The following UNC13C variants were observed in gnomAD, a reference collection of about 807,000 sequenced individuals.
UNC13C encodes protein unc-13 homolog C.
Under a neutral mutation model 245.4 loss-of-function variants are expected in UNC13C, and 174 were observed. The ratio of observed to expected loss-of-function variants is 0.71; its 90% CI spans 0.63 to 0.80. The LOEUF (loss-of-function observed/expected upper bound fraction) is 0.80, where lower values mean the gene tolerates loss of function less well. Among genes scored for constraint, UNC13C ranks in the 30% least tolerant of loss-of-function variants. The pLI is 0.00. For synonymous variants in UNC13C, 992 were observed against 895.1 expected (o/e 1.11, Z -1.93); for missense variants, 2,829 against 2,602.9 (o/e 1.09, Z -1.89).
At chr15:54,118,684 T>C (rs570352484) in intron 2 of UNC13C, among the ~76,000 whole-genome samples, 1 of 152,288 alleles carries the variant, frequency 6.6e-6, no homozygotes, top group Non-Finnish European at 1.5e-5. Flanking sequence ...TTATATTGGA[T>C]AAAAGTGGTA....
chr15:53,879,095 CT>C, the UNC13C span, among the ~76,000 whole-genome samples: 2 of 152,026 alleles, frequency 1.3e-5, no homozygotes, highest in African/African-American at 2.4e-5. Context: ...AAAAAAATTA[CT>C]TTTTTTAGCA....
At chr15:54,128,365 A>G (rs2031193039) in intron 2 of UNC13C, among the ~76,000 whole-genome samples, 1 of 152,196 alleles carries the variant, frequency 6.6e-6, no homozygotes, top group Non-Finnish European at 1.5e-5. Context: ...ACAACTTTCT[A>G]CTTCACAAAA....
At chr15:53,847,105 G>T in the UNC13C span, among the ~76,000 whole-genome samples, 1 of 152,134 alleles carries the variant, frequency 6.6e-6, no homozygotes, top group Non-Finnish European at 1.5e-5. Context: ...AATGCTCAAG[G>T]AAGGGGAAAC....
At chr15:53,969,004 TA>T in the UNC13C span, among the ~76,000 whole-genome samples, 11 of 152,198 alleles carry the variant, frequency 7.2e-5, no homozygotes, top group Non-Finnish European at 1.6e-4. Flanking sequence ...TCCAGTGACA[TA>T]ACCTTCCTTA....
the UNC13C span, among the ~76,000 whole-genome samples, chr15:53,971,825 A>G: frequency 2.6e-5 from 4 of 152,150 alleles, no homozygotes; most frequent in East Asian, 7.7e-4. Context: ...CTATTTATAA[A>G]ATGACAATGA....
At chr15:54,123,728 A>G (rs1356169519) in intron 2 of UNC13C, among the ~76,000 whole-genome samples, 1 of 152,120 alleles carries the variant, frequency 6.6e-6, no homozygotes, top group Non-Finnish European at 1.5e-5. Flanking sequence ...ATGTGCAAGT[A>G]TGGTTCTACG....
chr15:54,309,626 T>C (rs2037816322), intron 13 of UNC13C, among the ~76,000 whole-genome samples: 2 of 151,954 alleles, frequency 1.3e-5, no homozygotes, highest in Non-Finnish European at 2.9e-5. Flanking sequence ...CTAGTAGTTT[T>C]ATAGTTTTGG....
the UNC13C span, among the ~76,000 whole-genome samples, chr15:53,905,401 C>CACAT: frequency 8.8e-6 from 1 of 113,618 alleles, no homozygotes; most frequent in Admixed American, 9.9e-5. Context: ...TTACTTTATA[C>CACAT]ACACACACAC....
the UNC13C span, among the ~76,000 whole-genome samples, chr15:53,957,299 G>A: frequency 0.11 from 16,898 of 151,950 alleles, 1,260 homozygotes; most frequent in East Asian, 0.31. Flanking sequence ...GCACCACTAC[G>A]CCTGGCTAAT....
At chr15:54,460,923 A>G (rs759108802) in intron 19 of UNC13C, among the ~76,000 whole-genome samples, 1 of 152,206 alleles carries the variant, frequency 6.6e-6, no homozygotes, top group Non-Finnish European at 1.5e-5. Context: ...ATAGTTATAA[A>G]TTAAAACCTT....
At chr15:53,984,386 T>C (rs2616910) in intron 1 of UNC13C, among the ~76,000 whole-genome samples, 35,967 of 152,116 alleles carry the variant, frequency 0.24, 5,098 homozygotes, top group Non-Finnish European at 0.31. Context: ...CACTGTCTTA[T>C]GAGATTTCTT....
intron 21 of UNC13C, 78 bp downstream of exon 21, chr15:54,500,253 T>C: frequency 9.6e-7 from 1 of 1,038,616 alleles, no homozygotes; most frequent in East Asian, 2.6e-5. Flanking sequence ...TGGGAATTAT[T>C]AGACTCATTG....
At chr15:54,584,544 A>T (rs1370452724) in intron 30 of UNC13C, among the ~76,000 whole-genome samples, 2 of 152,260 alleles carry the variant, frequency 1.3e-5, no homozygotes, top group African/African-American at 2.4e-5. Flanking sequence ...AGGCAGTGAA[A>T]GTCCTTATGA....
intron 19 of UNC13C, among the ~76,000 whole-genome samples, chr15:54,426,570 G>C (rs2040763626): frequency 6.6e-6 from 1 of 151,544 alleles, no homozygotes; most frequent in Non-Finnish European, 1.5e-5. Context: ...TTGTATTTTA[G>C]TCATTAGAAG....
intron 19 of UNC13C, among the ~76,000 whole-genome samples, chr15:54,483,306 TCTGAATGCTTATATTCAC>T (rs1182126475): frequency 6.6e-6 from 1 of 152,226 alleles, no homozygotes; most frequent in East Asian, 1.9e-4. Flanking sequence ...ATTATATTCA[TCTGAATGCTTATATTCAC>T]CTGAATGCTT....
chr15:54,148,113 C>T (rs1395657430), intron 4 of UNC13C, among the ~76,000 whole-genome samples: 1 of 152,044 alleles, frequency 6.6e-6, no homozygotes, highest in Non-Finnish European at 1.5e-5. Context: ...TGAAATAATG[C>T]AGAGACAGAG....
intron 26 of UNC13C, among the ~76,000 whole-genome samples, chr15:54,541,458 T>C (rs1896240572): frequency 6.6e-6 from 1 of 152,000 alleles, no homozygotes; most frequent in Non-Finnish European, 1.5e-5. Context: ...TTAATTCACT[T>C]AGAGACTCAA....
upstream of UNC13C, among the ~76,000 whole-genome samples, chr15:53,973,380 G>A (rs1340528489): frequency 1.3e-5 from 2 of 151,954 alleles, no homozygotes; most frequent in Non-Finnish European, 2.9e-5. Flanking sequence ...TATCTCATTT[G>A]ATTCATCAGC....
At chr15:54,438,769 G>T (rs1301127920) in intron 19 of UNC13C, among the ~76,000 whole-genome samples, 2 of 151,718 alleles carry the variant, frequency 1.3e-5, no homozygotes, top group African/African-American at 4.8e-5. Flanking sequence ...CCTCAAACCT[G>T]TTCTTTCTCC....
Sources: gnomAD v4.1 joint callset for allele counts (sites outside exome capture counted in the v4.1 genomes callset) on GRCh38, gnomAD v4.1.1 for gene constraint, MANE v1.5 for transcripts, NCBI Gene and HGNC (gene_info 2026-07-23, HGNC 2026-07-21) for gene names.